SLC9A9: variants seen among roughly 807,000 people sequenced by gnomAD.
SLC9A9 encodes solute carrier family 9 member A9, also known as sodium/hydrogen exchanger 9.
SLC9A9 carries 62 observed loss-of-function variants against 77.8 expected under a neutral mutation model. That is an observed-to-expected ratio of 0.80 (90% CI 0.65 to 0.98). SLC9A9 has a LOEUF of 0.98. Ranked by LOEUF, SLC9A9 falls within the 50% of genes least tolerant of loss-of-function variation. The pLI is 0.00. For synonymous variants in SLC9A9, 320 were observed against 283.5 expected, an observed-to-expected ratio of 1.13 and a Z score of -1.29; for missense variants, 775 against 774.9, an observed-to-expected ratio of 1.00 and a Z score of 0.00.
chr3:143,489,722 A>C lies in SLC9A9; in HGVS notation c.1315+3931T>G, dbSNP rs565700894. 1.3e-4 allele frequency among the ~76,000 whole-genome samples: 20 copies of C among 152,182 alleles called. No homozygotes were observed. In the East Asian group the frequency reaches 3.9e-3, roughly 29 times the overall value. The stretch of plus-strand genomic sequence containing the variant: ...AATATTGTGCATCAAAATACAGTGT[A>C]AACAGAGTAAAAAAGGCAGCTCATG... On this transcript the variant is annotated intron_variant, in intron 11 of 15. Coordinates refer to ENST00000316549, the MANE Select transcript of SLC9A9 (RefSeq NM_173653.4).
intron 9 of SLC9A9, among the ~76,000 whole-genome samples, chr3:143,505,191 A>G (rs1181089183): frequency 2.0e-5 from 3 of 151,988 alleles, no homozygotes; most frequent in African/African-American, 7.2e-5. Context: ...CCACTCACCC[A>G]TCCAAGCCAA....
At chr3:143,308,008 G>T (rs2030865576) in intron 14 of SLC9A9, among the ~76,000 whole-genome samples, 1 of 152,174 alleles carries the variant, frequency 6.6e-6, no homozygotes, top group African/African-American at 2.4e-5. Flanking sequence ...GAGCACACAG[G>T]CATGAGGCCA....
intron 1 of SLC9A9, among the ~76,000 whole-genome samples, chr3:143,845,770 G>A (rs1201174107): frequency 6.6e-6 from 1 of 152,158 alleles, no homozygotes; most frequent in Non-Finnish European, 1.5e-5. Flanking sequence ...GATCTATATA[G>A]TTCAAGATAA....
At chr3:143,748,936 T>C (rs111836981) in intron 4 of SLC9A9, among the ~76,000 whole-genome samples, 33,653 of 151,042 alleles carry the variant, frequency 0.22, 4,740 homozygotes, top group Admixed American at 0.29. Context: ...ATCTCCTGAC[T>C]TCATGATCCA....
intron 12 of SLC9A9, among the ~76,000 whole-genome samples, chr3:143,449,970 A>AT (rs1576506088): frequency 1.3e-5 from 1 of 78,114 alleles, no homozygotes; most frequent in Non-Finnish European, 2.0e-5. Flanking sequence ...TAATATATAT[A>AT]ATATATATTA....
At chr3:143,790,101 C>T (rs1485828856) in intron 4 of SLC9A9, among the ~76,000 whole-genome samples, 2 of 152,068 alleles carry the variant, frequency 1.3e-5, no homozygotes, top group Admixed American at 1.3e-4. Flanking sequence ...AGTGAGTTCT[C>T]ATTAGATCTG....
chr3:143,367,666 C>T (rs545668666), intron 13 of SLC9A9, among the ~76,000 whole-genome samples: 1 of 152,262 alleles, frequency 6.6e-6, no homozygotes, highest in South Asian at 2.1e-4. Flanking sequence ...AGAGCCAGCC[C>T]ACGGGAGGGT....
intron 5 of SLC9A9, among the ~76,000 whole-genome samples, chr3:143,683,325 T>G (rs1933161677): frequency 6.6e-6 from 1 of 152,110 alleles, no homozygotes. Context: ...TAACTTTCAC[T>G]TACAGAAATA....
chr3:143,407,305 C>G (rs759071645), intron 12 of SLC9A9, among the ~76,000 whole-genome samples: 24 of 152,246 alleles, frequency 1.6e-4, no homozygotes, highest in Admixed American at 6.5e-4. Context: ...TGCAAAGATA[C>G]AGCAGGACTC....
At chr3:143,839,282 G>C (rs924607661) in intron 1 of SLC9A9, among the ~76,000 whole-genome samples, 13 of 152,106 alleles carry the variant, frequency 8.5e-5, no homozygotes, top group Admixed American at 5.2e-4. Context: ...TTCAGAACAG[G>C]TCTGGGACAC....
intron 4 of SLC9A9, among the ~76,000 whole-genome samples, chr3:143,701,674 G>A (rs1933805876): frequency 6.6e-6 from 1 of 152,114 alleles, no homozygotes; most frequent in Non-Finnish European, 1.5e-5. Context: ...CTAGGAAATA[G>A]CCTCAAAAGG....
intron 2 of SLC9A9, among the ~76,000 whole-genome samples, chr3:143,831,394 C>T (rs990911800): frequency 3.3e-5 from 5 of 152,140 alleles, no homozygotes; most frequent in Non-Finnish European, 7.3e-5. Flanking sequence ...TAACTGAAGC[C>T]GTTCACAAAT....
At chr3:143,535,561 C>A (rs551806609) in intron 9 of SLC9A9, among the ~76,000 whole-genome samples, 1 of 152,038 alleles carries the variant, frequency 6.6e-6, no homozygotes, top group Non-Finnish European at 1.5e-5. Context: ...CTATTACCAA[C>A]GAGTTTAATA....
At chr3:143,687,805 C>T (rs770451524) in intron 5 of SLC9A9, among the ~76,000 whole-genome samples, 3 of 151,888 alleles carry the variant, frequency 2.0e-5, no homozygotes, top group Non-Finnish European at 4.4e-5. Flanking sequence ...TGTATAAAAT[C>T]GAAGTGGCTG....
At chr3:143,688,989 T>C (rs1933366799) in intron 5 of SLC9A9, among the ~76,000 whole-genome samples, 1 of 151,778 alleles carries the variant, frequency 6.6e-6, no homozygotes, top group Admixed American at 6.6e-5. Context: ...TTACTCATAA[T>C]AAAATACAAA....
intron 14 of SLC9A9, among the ~76,000 whole-genome samples, chr3:143,312,540 T>C (rs1288781990): frequency 6.6e-6 from 1 of 152,216 alleles, no homozygotes; most frequent in Non-Finnish European, 1.5e-5. Flanking sequence ...TGGGATCCAG[T>C]GAAGCCATCT....
chr3:143,777,993 A>G (rs868477415), intron 4 of SLC9A9, among the ~76,000 whole-genome samples: 59 of 128,282 alleles, frequency 4.6e-4, no homozygotes, highest in South Asian at 1.3e-3. Context: ...GATTACAGGC[A>G]TGAGCCACCA....
intron 4 of SLC9A9, among the ~76,000 whole-genome samples, chr3:143,779,163 T>A (rs2007791282): frequency 6.6e-6 from 1 of 152,182 alleles, no homozygotes; most frequent in African/African-American, 2.4e-5. Flanking sequence ...ATTTATCACA[T>A]CTATCATAAG....
intron 12 of SLC9A9, among the ~76,000 whole-genome samples, chr3:143,403,804 G>C (rs2033912662): frequency 6.6e-6 from 1 of 152,012 alleles, no homozygotes. Flanking sequence ...TCTTGATATG[G>C]CTTTCGTTTT....
Sources: allele counts gnomAD v4.1 joint callset (sites outside exome capture counted in the v4.1 genomes callset), GRCh38; gene constraint gnomAD v4.1.1; transcripts MANE v1.5; gene names NCBI Gene and HGNC (gene_info 2026-07-23, HGNC 2026-07-21).